LOXL2: variants seen among roughly 807,000 people sequenced by gnomAD.
LOXL2 encodes the protein lysyl oxidase homolog 2.
LOXL2 carries 70 observed loss-of-function variants against 93.0 expected under a neutral mutation model. The observed-to-expected ratio is 0.75, with a 90% CI of 0.62 to 0.92. The LOEUF is 0.92. Ranked by LOEUF, LOXL2 falls within the 40% of genes least tolerant of loss-of-function variation. LOXL2 has a pLI of 0.00. For missense variants in LOXL2, 973 were observed against 1,054.9 expected, an observed-to-expected ratio of 0.92 and a Z score of 1.08; for synonymous variants, 438 against 413.2, an observed-to-expected ratio of 1.06 and a Z score of -0.73.
chr8:23,391,500 G>A (rs776665019), intron 1 of LOXL2, among the ~76,000 whole-genome samples: 1 of 152,098 alleles, frequency 6.6e-6, no homozygotes, highest in African/African-American at 2.4e-5. Flanking sequence ...AAGCACTCTT[G>A]GGTAACAGGC....
chr8:23,381,345 A>C (rs1054700518), intron 1 of LOXL2, among the ~76,000 whole-genome samples: 1 of 152,152 alleles, frequency 6.6e-6, no homozygotes, highest in Non-Finnish European at 1.5e-5. Flanking sequence ...CCTAAAAGTG[A>C]AATTGCTGGG....
At chr8:23,314,682 T>C (rs1013874888) in intron 9 of LOXL2, among the ~76,000 whole-genome samples, 1 of 151,556 alleles carries the variant, frequency 6.6e-6, no homozygotes, top group Non-Finnish European at 1.5e-5. Flanking sequence ...CTGGGAGATA[T>C]ACCTAATGCT....
chr8:23,357,146 T>G (rs1268852249), intron 3 of LOXL2, among the ~76,000 whole-genome samples: 1 of 152,052 alleles, frequency 6.6e-6, no homozygotes, highest in East Asian at 1.9e-4. Context: ...CTCGGCTCAC[T>G]GCAACCTCCG....
At chr8:23,334,117 C>T (rs965190238) in intron 4 of LOXL2, among the ~76,000 whole-genome samples, 1 of 152,176 alleles carries the variant, frequency 6.6e-6, no homozygotes, top group East Asian at 1.9e-4. Context: ...GCAATCACTG[C>T]AACCTCTGCC....
intron 4 of LOXL2, 115 bp from the exon 5 acceptor site, chr8:23,333,738 T>C: frequency 1.2e-6 from 1 of 801,212 alleles, no homozygotes; most frequent in South Asian, 1.7e-5. Flanking sequence ...TCAGCCCTGC[T>C]TCACAGAGGG....
intron 8 of LOXL2, among the ~76,000 whole-genome samples, chr8:23,318,475 A>T (rs982092885): frequency 6.6e-6 from 1 of 151,936 alleles, no homozygotes; most frequent in African/African-American, 2.4e-5. Context: ...ATACACATTC[A>T]TACAACCTAC....
In LOXL2 at chr8:23,317,072, C is replaced by A. The variant is rs778145993; in HGVS notation, c.1513G>T (p.Val505Phe). The A allele has an allele frequency of 6.2e-7, 1 of 1,614,218 alleles. No homozygotes were observed. ...CCCGAGCACTTCACTCCACTCATGACCACTTTGTTGCTGTTGACATCTCCG... is the reference window on the plus strand; with the variant it reads ...CCCGAGCACTTCACTCCACTCATGAACACTTTGTTGCTGTTGACATCTCCG... ...WHGDVNSNKV[V>F]MSGVKCSGTE... Residue 505 changes from valine to phenylalanine, a missense_variant, in exon 9 of 14, where the codon GTC becomes TTC. Transcript: ENST00000389131.
rs112128084 is a variant in LOXL2, at chr8:23,308,976, A to G, written c.1880+692T>C. Among the ~76,000 whole-genome samples, 593 of 141,900 alleles carry G rather than the reference A, an allele frequency of 4.2e-3. 6 individuals are homozygous for G. Among genetic ancestry groups the G allele is most frequent in the African/African-American group, 0.016 (556 of 35,386 alleles). 93.1% of individuals were successfully genotyped at this position (141,900 alleles called of 152,430 possible). On this transcript the variant is annotated intron_variant, in intron 10 of 13. Transcript: ENST00000389131. Reference sequence around the variant, plus strand: ...AAATACATACCAGTACGTGGAATATATATATATATATATATTTTTTTTTTT... The same window carrying G: ...AAATACATACCAGTACGTGGAATATGTATATATATATATATTTTTTTTTTT...
At chr8:23,394,255 C>T (rs1363546214) in intron 1 of LOXL2, among the ~76,000 whole-genome samples, 22 of 151,740 alleles carry the variant, frequency 1.4e-4, no homozygotes, top group Middle Eastern at 3.2e-3. Flanking sequence ...TAGTCAGATA[C>T]GGTAGCGCGT....
intron 5 of LOXL2, among the ~76,000 whole-genome samples, chr8:23,329,362 C>T (rs907731761): frequency 7.9e-5 from 12 of 152,292 alleles, no homozygotes; most frequent in African/African-American, 2.9e-4. Context: ...TTTAAACACC[C>T]CCAGTGTTCA....
chr8:23,316,452 G>C (rs2117153613), intron 9 of LOXL2, among the ~76,000 whole-genome samples: 1 of 152,280 alleles, frequency 6.6e-6, no homozygotes, highest in South Asian at 2.1e-4. Context: ...TGGGAGGGAG[G>C]CTTCAGGAAG....
chr8:23,373,783 G>A (rs1169963007), intron 1 of LOXL2, among the ~76,000 whole-genome samples: 1 of 152,058 alleles, frequency 6.6e-6, no homozygotes, highest in Non-Finnish European at 1.5e-5. Context: ...GAAGGTGGTG[G>A]CAGGCTGACC....
chr8:23,388,820 A>G (rs374314324), intron 1 of LOXL2, among the ~76,000 whole-genome samples: 5 of 147,962 alleles, frequency 3.4e-5, no homozygotes, highest in Non-Finnish European at 7.5e-5. Context: ...AGGGTAGGGG[A>G]AAAAAAGACT....
intron 9 of LOXL2, among the ~76,000 whole-genome samples, chr8:23,310,824 C>A (rs1803310448): frequency 6.6e-6 from 1 of 152,216 alleles, no homozygotes; most frequent in African/African-American, 2.4e-5. Context: ...TAGTGCACTG[C>A]ACATAGCAGG....
In LOXL2 at chr8:23,369,980, C is replaced by G. The variant is rs1042544173; in HGVS notation, c.-83-1546G>C. Among the ~76,000 whole-genome samples, 5 of 152,104 alleles carry G rather than the reference C, an allele frequency of 3.3e-5. No individual in the cohort carries two copies. The East Asian group carries it at 9.6e-4, about 29-fold the overall frequency. On this transcript the variant is annotated intron_variant, in intron 1 of 13. Transcript: ENST00000389131. ...TCTTATTTTACAACAAAATCAAGAACCAGAGAGGGTTAGAGATTTTGCCAG... is the reference window on the plus strand; with the variant it reads ...TCTTATTTTACAACAAAATCAAGAAGCAGAGAGGGTTAGAGATTTTGCCAG...
Position 23,297,872 on chromosome 8 carries a change from G to A in LOXL2, c.*171C>T. 3.4e-6 allele frequency: 2 copies of A among 584,596 alleles called. No individual in the cohort carries two copies. The highest frequency in any genetic ancestry group is 2.2e-5 in the South Asian group (1 of 44,732). The allele number at this position is 584,596 out of a possible 1,614,324, so 36.2% of individuals were successfully genotyped here. A position where few individuals can be genotyped will look rare whatever the true frequency, so the allele number is the denominator to read the frequency against. On this transcript the variant is annotated 3_prime_UTR_variant, in exon 14 of 14. Coordinates refer to ENST00000389131, the MANE Select transcript of LOXL2 (RefSeq NM_002318.3). ...GGTCAGGTAGCAGCCCCCCATGAAT[G>A]ATGGGAGGGTCCCTTTCCTCCTGAG...
intron 3 of LOXL2, 174 bp from the exon 4 acceptor site, chr8:23,341,377 C>A: frequency 1.6e-6 from 1 of 629,492 alleles, no homozygotes; most frequent in Non-Finnish European, 2.9e-6. Flanking sequence ...GCCCAAGCTG[C>A]AGTTAGAAAG....
intron 1 of LOXL2, among the ~76,000 whole-genome samples, chr8:23,371,676 C>T (rs971810088): frequency 7.3e-6 from 1 of 137,920 alleles, no homozygotes; most frequent in Non-Finnish European, 1.5e-5. Flanking sequence ...GGCGTGAACC[C>T]AGGAGGTGGA....
chr8:23,315,073 G>T (rs1052982708), intron 9 of LOXL2, among the ~76,000 whole-genome samples: 10 of 152,284 alleles, frequency 6.6e-5, no homozygotes, highest in African/African-American at 2.2e-4. Context: ...CTGGCTTTGG[G>T]GAGGGGAGAG....
Sources: allele counts gnomAD v4.1 joint callset (sites outside exome capture counted in the v4.1 genomes callset), GRCh38; gene constraint gnomAD v4.1.1; transcripts MANE v1.5; gene names NCBI Gene and HGNC (gene_info 2026-07-23, HGNC 2026-07-21).